The following LRBA variants were observed in gnomAD, a reference collection of about 807,000 sequenced individuals.
LRBA encodes the protein lipopolysaccharide-responsive and beige-like anchor protein.
A neutral mutation model predicts 330.0 loss-of-function variants in LRBA; 176 were observed. The ratio of observed to expected loss-of-function variants is 0.53; its 90% CI spans 0.47 to 0.60. The LOEUF (loss-of-function observed/expected upper bound fraction) is 0.60, where lower values mean the gene tolerates loss of function less well. LRBA is among the 20% of genes least tolerant of loss of function. LRBA has a pLI of 0.00. For missense variants in LRBA, 3,259 were observed against 3,444.8 expected (o/e 0.95, Z 1.35); for synonymous variants, 1,230 against 1,193.0 (o/e 1.03, Z -0.64).
chr4:150,532,400 T>C (rs560836822), intron 40 of LRBA, among the ~76,000 whole-genome samples: 1 of 152,302 alleles, frequency 6.6e-6, no homozygotes, highest in South Asian at 2.1e-4. Flanking sequence ...TCAGTTTGGT[T>C]ATTAAATATA....
At chr4:151,001,939 C>T (rs1743388832) in intron 2 of LRBA, among the ~76,000 whole-genome samples, 1 of 151,950 alleles carries the variant, frequency 6.6e-6, no homozygotes, top group Admixed American at 6.6e-5. Flanking sequence ...CCACAGCCTC[C>T]ATTAATAGTC....
At chr4:150,648,363 T>G (rs1036667864) in intron 37 of LRBA, among the ~76,000 whole-genome samples, 58 of 151,628 alleles carry the variant, frequency 3.8e-4, no homozygotes, top group African/African-American at 1.4e-3. Flanking sequence ...ATGAACAGGT[T>G]GAGGCCGCAG....
Position 150,828,371 on chromosome 4 carries a change from A to C in LRBA, c.4980T>G (p.Asn1660Lys). ...ACGGTGTAGCCTTAGTGTCCAAGTCATTTCCTCTATCATTTTTGGTTTCCG... is the reference window on the plus strand; with the variant it reads ...ACGGTGTAGCCTTAGTGTCCAAGTCCTTTCCTCTATCATTTTTGGTTTCCG... ...KSPETKNDRG[N>K]DLDTKATPSV... Residue 1660 changes from asparagine (N) to lysine (K), a missense_variant, in exon 30 of 57, where the codon AAT becomes AAG. Asn to Lys is a moderately conservative substitution (Grantham distance 94). Coordinates refer to ENST00000651943, the MANE Select transcript of LRBA (RefSeq NM_001364905.1). 1 of 1,614,048 alleles carries C rather than the reference A, an allele frequency of 6.2e-7. No homozygotes were observed. Among genetic ancestry groups the C allele is most frequent in the Non-Finnish European group, 8.5e-7 (1 of 1,179,992 alleles).
intron 35 of LRBA, among the ~76,000 whole-genome samples, 199 bp from the exon 36 acceptor site, chr4:150,735,565 GC>G (rs1341957436): frequency 1.3e-5 from 2 of 152,184 alleles, no homozygotes; most frequent in African/African-American, 4.8e-5. Context: ...TAGCAGATTA[GC>G]TTCTATCAGA....
intron 47 of LRBA, among the ~76,000 whole-genome samples, chr4:150,371,769 G>T (rs1360377575): frequency 6.6e-6 from 1 of 152,024 alleles, no homozygotes; most frequent in African/African-American, 2.4e-5. Flanking sequence ...TGACTCACAT[G>T]AATTAACACT....
intron 46 of LRBA, among the ~76,000 whole-genome samples, chr4:150,425,398 A>AG (rs1340114480): frequency 6.6e-6 from 1 of 152,212 alleles, no homozygotes; most frequent in African/African-American, 2.4e-5. Context: ...TCACTTAATT[A>AG]GGTAGATGGG....
At chr4:150,351,461 G>A (rs1172752324) in intron 47 of LRBA, among the ~76,000 whole-genome samples, 1 of 152,072 alleles carries the variant, frequency 6.6e-6, no homozygotes, top group African/African-American at 2.4e-5. Flanking sequence ...AGGCTGAGGT[G>A]GGCGGATCAC....
intron 37 of LRBA, 29 bp from the exon 38 acceptor site, chr4:150,599,160 T>G (rs768312356): frequency 6.2e-7 from 1 of 1,611,888 alleles, no homozygotes; most frequent in South Asian, 1.1e-5. Flanking sequence ...GCCACATATG[T>G]TAGCAATTAT....
chr4:150,971,097 A>C (rs1361699154), intron 2 of LRBA, among the ~76,000 whole-genome samples: 1 of 152,202 alleles, frequency 6.6e-6, no homozygotes, highest in Non-Finnish European at 1.5e-5. Context: ...AGAAAGCTAT[A>C]CAGTATATAG....
chr4:150,600,909 A>G (rs1418600355), intron 37 of LRBA, among the ~76,000 whole-genome samples: 8 of 152,184 alleles, frequency 5.3e-5, no homozygotes, highest in Admixed American at 5.2e-4. Context: ...CTGCCTACCT[A>G]CATTTATCTG....
chr4:150,792,853 G>A (rs974235490), intron 34 of LRBA, among the ~76,000 whole-genome samples: 1 of 152,130 alleles, frequency 6.6e-6, no homozygotes, highest in African/African-American at 2.4e-5. Context: ...GGCCTAGGCG[G>A]GCGAATCACC....
At chr4:150,765,168 A>T (rs1407302662) in intron 34 of LRBA, among the ~76,000 whole-genome samples, 1 of 152,048 alleles carries the variant, frequency 6.6e-6, no homozygotes, top group Non-Finnish European at 1.5e-5. Context: ...AACTAATATG[A>T]AAGGTTACAT....
intron 46 of LRBA, chr4:150,422,791 C>T (rs936171567): frequency 2.1e-6 from 3 of 1,459,884 alleles, no homozygotes; most frequent in South Asian, 2.3e-5. Flanking sequence ...TTCTGGTAGA[C>T]CTGCATGTGC....
At position 150,980,961 on chromosome 4, in the gene LRBA, A is replaced by C. The variant is rs568965321; in HGVS notation, c.216+33466T>G. On this transcript the variant is annotated intron_variant, in intron 2 of 56. Coordinates refer to ENST00000651943, the MANE Select transcript of LRBA (RefSeq NM_001364905.1). The stretch of plus-strand genomic sequence containing the variant: ...CAATGAAAACAATAAAATACTGGTG[A>C]AAAAAAGTGAAGAGGACACCAAAAA... 2.6e-5 allele frequency among the ~76,000 whole-genome samples: 4 copies of C among 152,272 alleles called. No homozygotes were observed. In the South Asian group the frequency reaches 8.3e-4, roughly 32 times the overall value.
At chr4:150,536,491 G>A (rs1205017975) in intron 40 of LRBA, among the ~76,000 whole-genome samples, 1 of 152,128 alleles carries the variant, frequency 6.6e-6, no homozygotes, top group Non-Finnish European at 1.5e-5. Context: ...CACAAAGGTG[G>A]CTTCTGGTGC....
intron 40 of LRBA, among the ~76,000 whole-genome samples, chr4:150,529,896 T>A (rs1763880987): frequency 6.6e-6 from 1 of 152,322 alleles, no homozygotes; most frequent in African/African-American, 2.4e-5. Context: ...TTTTTTATTC[T>A]GTTGATCTTC....
At chr4:150,366,017 T>C (rs944356957) in intron 47 of LRBA, among the ~76,000 whole-genome samples, 2 of 152,292 alleles carry the variant, frequency 1.3e-5, no homozygotes, top group African/African-American at 2.4e-5. Flanking sequence ...GCTCAAACTA[T>C]TCAAAATATT....
chr4:150,645,253 G>A (rs1274209086), intron 37 of LRBA, among the ~76,000 whole-genome samples: 5 of 147,542 alleles, frequency 3.4e-5, no homozygotes, highest in African/African-American at 5.0e-5. Context: ...CACACTAAAT[G>A]GTTTTAGAAA....
At chr4:150,921,612 G>C (rs1033764198) in intron 4 of LRBA, among the ~76,000 whole-genome samples, 2 of 151,990 alleles carry the variant, frequency 1.3e-5, no homozygotes, top group Non-Finnish European at 1.5e-5. Flanking sequence ...TGCCACCCAG[G>C]CTGGAGTCCA....
Sources: gnomAD v4.1 joint callset for allele counts (sites outside exome capture counted in the v4.1 genomes callset) on GRCh38, gnomAD v4.1.1 for gene constraint, MANE v1.5 for transcripts, NCBI Gene and HGNC (gene_info 2026-07-23, HGNC 2026-07-21) for gene names.